The following HDAC9 variants were observed in gnomAD, a reference collection of about 807,000 sequenced individuals.
HDAC9 encodes histone deacetylase 9.
A neutral mutation model predicts 139.4 loss-of-function variants in HDAC9; 41 were observed. The observed-to-expected ratio is 0.29, with a 90% CI of 0.23 to 0.38. The LOEUF is 0.38. HDAC9 is among the 10% of genes least tolerant of loss of function. HDAC9 has a pLI of 1.00. For missense variants in HDAC9, 1,147 were observed against 1,297.0 expected, an observed-to-expected ratio of 0.88 and a Z score of 1.78; for synonymous variants, 517 against 476.2, an observed-to-expected ratio of 1.09 and a Z score of -1.12.
At chr7:18,468,263 T>A (rs1038342973) in intron 1 of HDAC9, among the ~76,000 whole-genome samples, 6 of 152,202 alleles carry the variant, frequency 3.9e-5, no homozygotes, top group African/African-American at 1.2e-4. Flanking sequence ...TCTACATAAA[T>A]CATTTAGAAT....
At chr7:18,551,946 T>G (rs779121768) in intron 2 of HDAC9, among the ~76,000 whole-genome samples, 109 of 152,332 alleles carry the variant, frequency 7.2e-4, no homozygotes, top group Non-Finnish European at 1.3e-3. Flanking sequence ...TTAAGCATCT[T>G]ATCTTTATTA....
chr7:18,562,632 A>T (rs1384221503), intron 2 of HDAC9, among the ~76,000 whole-genome samples: 3 of 152,070 alleles, frequency 2.0e-5, no homozygotes, highest in Non-Finnish European at 4.4e-5. Context: ...TTCTGCCAGT[A>T]CTTCTTTGTT....
At chr7:18,712,122 T>G (rs2129114565) in intron 12 of HDAC9, among the ~76,000 whole-genome samples, 1 of 152,286 alleles carries the variant, frequency 6.6e-6, no homozygotes, top group Middle Eastern at 3.4e-3. Context: ...GAATTCCAAT[T>G]TAAATAAATA....
intron 2 of HDAC9, among the ~76,000 whole-genome samples, chr7:18,244,981 A>G (rs1194937620): frequency 1.1e-4 from 3 of 27,950 alleles, no homozygotes; most frequent in Non-Finnish European, 2.5e-4. Flanking sequence ...ACATCTCTCT[A>G]TTATCTAATC....
At chr7:18,821,148 C>T (rs557738163) in intron 17 of HDAC9, among the ~76,000 whole-genome samples, 1 of 152,280 alleles carries the variant, frequency 6.6e-6, no homozygotes, top group East Asian at 1.9e-4. Flanking sequence ...CCAAAGGCTG[C>T]AAGAAGCCTA....
At chr7:18,822,788 C>A (rs1795085736) in intron 17 of HDAC9, among the ~76,000 whole-genome samples, 1 of 152,176 alleles carries the variant, frequency 6.6e-6, no homozygotes, top group African/African-American at 2.4e-5. Flanking sequence ...GAACTTTAGG[C>A]AAGTTCTTTC....
In HDAC9 at chr7:18,727,736, C is replaced by T. The variant is rs199704186; in HGVS notation, c.1888C>T (p.Leu630Phe). The T allele has an allele frequency of 1.2e-5, 19 of 1,542,516 alleles. No individual in the cohort carries two copies. In the East Asian group the frequency reaches 4.5e-4, roughly 37 times the overall value. ...ACCTCACCCAGCAATGGACCGCCCCCTCCAGCCTGGCTCTGCAACTGGTAG... is the reference window on the plus strand; with the variant it reads ...ACCTCACCCAGCAATGGACCGCCCCTTCCAGCCTGGCTCTGCAACTGGTAG... The part of the protein sequence containing the change: ...VLPHPAMDRP[L>F]QPGSATGIAY... Residue 630 changes from leucine to phenylalanine, a missense_variant, in exon 13 of 26, where the codon CTC becomes TTC. By Grantham distance (22) the Leu-to-Phe change is conservative. This residue lies in a region of HDAC9 where 256 missense variants were observed against 219.2 expected (regional missense o/e 1.17). Transcript: ENST00000686413.
intron 2 of HDAC9, among the ~76,000 whole-genome samples, chr7:18,548,852 G>A (rs573571950): frequency 3.7e-4 from 56 of 152,312 alleles, no homozygotes; most frequent in Non-Finnish European, 7.3e-4. Context: ...AAATGCTAGT[G>A]AGGATGTGGA....
rs145106609 is a variant in HDAC9, at chr7:18,461,111, C to T, written c.-41-35151C>T. On this transcript the variant is annotated intron_variant, in intron 1 of 3. Transcript: ENST00000413509. ...CTACAACAAATCTTGCGTATGTGTA[C>T]GTGTGCATGCGTATACATACATACA... Among the ~76,000 whole-genome samples, 1,376 of 152,160 alleles carry T rather than the reference C, an allele frequency of 9.0e-3. 23 individuals are homozygous for T. The highest frequency in any genetic ancestry group is 0.031 in the African/African-American group (1,292 of 41,514).
intron 23 of HDAC9, among the ~76,000 whole-genome samples, chr7:18,948,144 T>A (rs1056020223): frequency 2.0e-5 from 3 of 152,034 alleles, no homozygotes; most frequent in Admixed American, 6.6e-5. Flanking sequence ...TAGAAATTAT[T>A]CTTTTAAATC....
At chr7:18,324,809 A>G (rs967176065) in intron 1 of HDAC9, among the ~76,000 whole-genome samples, 40 of 152,174 alleles carry the variant, frequency 2.6e-4, no homozygotes, top group African/African-American at 9.6e-4. Flanking sequence ...TAACTTTAGC[A>G]TTTACAGAAA....
At chr7:18,407,140 T>C (rs1048933590) in intron 1 of HDAC9, among the ~76,000 whole-genome samples, 4 of 152,202 alleles carry the variant, frequency 2.6e-5, no homozygotes, top group Admixed American at 6.5e-5. Flanking sequence ...CTGGTCCTTT[T>C]TTCTTTCACT....
At position 18,708,382 on chromosome 7, in the gene HDAC9, C is replaced by G. The variant is rs76200008; in HGVS notation, c.1732-19198C>G. 7.9e-5 allele frequency among the ~76,000 whole-genome samples: 12 copies of G among 152,240 alleles called. No individual in the cohort carries two copies. The East Asian group carries it at 2.3e-3, about 29-fold the overall frequency. On this transcript the variant is annotated intron_variant, in intron 12 of 25. Transcript: ENST00000686413. ...AAGACAGGATCTTTAACAAACAGCA[C>G]GTATTTGTGTGTCCACATGGCTTTC...
intron 2 of HDAC9, among the ~76,000 whole-genome samples, chr7:18,542,050 A>T (rs2034428404): frequency 6.6e-6 from 1 of 152,076 alleles, no homozygotes; most frequent in Non-Finnish European, 1.5e-5. Context: ...TCTGGCCTCT[A>T]CGCCCTAGAT....
chr7:18,936,062 G>A, intron 23 of HDAC9, 120 bp downstream of exon 23: 2 of 933,516 alleles, frequency 2.1e-6, no homozygotes, highest in Non-Finnish European at 3.2e-6. Flanking sequence ...TTACCATTAA[G>A]AAAGAAGGTA....
chr7:18,655,198 G>A, intron 11 of HDAC9, among the ~76,000 whole-genome samples: 1 of 152,120 alleles, frequency 6.6e-6, no homozygotes, highest in East Asian at 1.9e-4. Context: ...CATTAGTGTT[G>A]TCAGGTTTAA....
At chr7:18,300,957 C>A (rs1798501725) in intron 1 of HDAC9, among the ~76,000 whole-genome samples, 1 of 152,208 alleles carries the variant, frequency 6.6e-6, no homozygotes, top group Admixed American at 6.5e-5. Flanking sequence ...CCTCATGAAT[C>A]ATGCTGAGAA....
At position 18,657,160 on chromosome 7, in the gene HDAC9, A is replaced by G. The variant is rs182520057; in HGVS notation, c.1467+8477A>G. ...TTTTTTCCTGTTGTTTGAGTTCCAT[A>G]TATATCCTGGTTATTAATCTCTTGT... On this transcript the variant is annotated intron_variant, in intron 11 of 25. Coordinates refer to ENST00000686413, the MANE Select transcript of HDAC9 (RefSeq NM_178425.4). 2.6e-5 allele frequency among the ~76,000 whole-genome samples: 4 copies of G among 152,172 alleles called. No individual in the cohort carries two copies. In the East Asian group the frequency reaches 7.7e-4, roughly 29 times the overall value.
At chr7:18,968,449 TACAG>T (rs75650728) in intron 24 of HDAC9, among the ~76,000 whole-genome samples, 23 of 152,156 alleles carry the variant, frequency 1.5e-4, no homozygotes, top group East Asian at 7.8e-4. Context: ...AGATATATGA[TACAG>T]AGAGAGAGAA....
Sources: gnomAD v4.1 joint callset for allele counts (sites outside exome capture counted in the v4.1 genomes callset) on GRCh38, gnomAD v4.1.1 for gene constraint, gnomAD v4.1.1 regional missense constraint, MANE v1.5 for transcripts, NCBI Gene and HGNC (gene_info 2026-07-23, HGNC 2026-07-21) for gene names.